Variants in GBE1 observed in about 807,000 individuals in gnomAD.
GBE1 encodes 1,4-alpha-glucan-branching enzyme.
A neutral mutation model predicts 88.8 loss-of-function variants in GBE1; 70 were observed. The observed-to-expected ratio is 0.79, with a 90% CI of 0.65 to 0.96. The LOEUF (loss-of-function observed/expected upper bound fraction) is 0.96, where lower values mean the gene tolerates loss of function less well. GBE1 is among the 40% of genes least tolerant of loss of function. The pLI is 0.00. For missense variants in GBE1, 872 were observed against 871.0 expected (o/e 1.00, Z -0.01); for synonymous variants, 284 against 300.1 (o/e 0.95, Z 0.56).
chr3:81,742,306 A>G (rs1706360314), intron 1 of GBE1, among the ~76,000 whole-genome samples: 1 of 152,130 alleles, frequency 6.6e-6, no homozygotes, highest in Non-Finnish European at 1.5e-5. Context: ...TCAGCAAATC[A>G]GTCTCTTATT....
At chr3:81,709,240 G>A (rs559288819) in intron 1 of GBE1, among the ~76,000 whole-genome samples, 35 of 151,868 alleles carry the variant, frequency 2.3e-4, no homozygotes, top group Non-Finnish European at 5.0e-4. Flanking sequence ...TTACCTAGAC[G>A]AACAAACTAG....
At position 81,537,336 on chromosome 3, in the gene GBE1, T is replaced by C. The variant is rs1043887744; in HGVS notation, c.1619-241A>G. Among the ~76,000 whole-genome samples the C allele has an allele frequency of 4.6e-5, 7 of 152,100 alleles. No homozygotes were observed. The East Asian group carries it at 1.2e-3, about 25-fold the overall frequency. ...CTTCAGTTTGGCTGCTCATTACTTG[T>C]TGCACATCTTGGTTTCCTCAAGCAC... On this transcript the variant is annotated intron_variant, in intron 12 of 15. Transcript: ENST00000429644.
intron 1 of GBE1, 42 bp from the exon 2 acceptor site, chr3:81,705,655 A>G (rs149007586): frequency 1.8e-4 from 247 of 1,362,506 alleles, no homozygotes; most frequent in Middle Eastern, 1.6e-3. Flanking sequence ...AAAATTAAAT[A>G]GTCTTCTAGA....
At chr3:81,645,927 C>A (rs1016049153) in intron 6 of GBE1, among the ~76,000 whole-genome samples, 1 of 152,142 alleles carries the variant, frequency 6.6e-6, no homozygotes, top group African/African-American at 2.4e-5. Flanking sequence ...TGCATAGAAT[C>A]CCTTGGTGTC....
chr3:81,695,521 G>T lies in GBE1; in HGVS notation c.313+9923C>A, dbSNP rs138250215. 8.8e-3 allele frequency among the ~76,000 whole-genome samples: 1,341 copies of T among 152,270 alleles called. 13 individuals carry two copies. Among genetic ancestry groups the T allele is most frequent in the Admixed American group, 0.015 (228 of 15,300 alleles). The stretch of plus-strand genomic sequence containing the variant: ...GGGGAATTAGAACTAACTACTAACA[G>T]GTATGAGGTTTCTTTTGGGGTGACG... On this transcript the variant is annotated intron_variant, in intron 2 of 15. Coordinates refer to ENST00000429644, the MANE Select transcript of GBE1 (RefSeq NM_000158.4).
At chr3:81,634,929 G>C (rs2107043327) in intron 7 of GBE1, among the ~76,000 whole-genome samples, 1 of 152,074 alleles carries the variant, frequency 6.6e-6, no homozygotes, top group Non-Finnish European at 1.5e-5. Flanking sequence ...ATGAATGAAG[G>C]TATGACAGTA....
intron 2 of GBE1, among the ~76,000 whole-genome samples, chr3:81,687,765 A>G (rs1705461002): frequency 6.6e-6 from 1 of 152,222 alleles, no homozygotes; most frequent in South Asian, 2.1e-4. Flanking sequence ...TGGAAGCTCA[A>G]GGTTCAAAAG....
intron 2 of GBE1, 151 bp downstream of exon 2, chr3:81,705,293 G>T: frequency 1.8e-6 from 1 of 568,050 alleles, no homozygotes; most frequent in Non-Finnish European, 2.9e-6. Context: ...CATACAAAGA[G>T]CTTAATAAAT....
intron 7 of GBE1, among the ~76,000 whole-genome samples, chr3:81,627,884 T>G (rs1198255783): frequency 6.6e-6 from 1 of 151,922 alleles, no homozygotes; most frequent in African/African-American, 2.4e-5. Context: ...ACTCTTGGCC[T>G]CAAGCGATCC....
intron 1 of GBE1, among the ~76,000 whole-genome samples, chr3:81,717,528 C>T (rs1402412869): frequency 6.6e-6 from 1 of 152,138 alleles, no homozygotes; most frequent in Non-Finnish European, 1.5e-5. Flanking sequence ...ATGGATGTTA[C>T]AGTTACTCAA....
chr3:81,646,242 T>A, intron 6 of GBE1, 150 bp downstream of exon 6: 1 of 610,740 alleles, frequency 1.6e-6, no homozygotes, highest in Non-Finnish European at 2.9e-6. Context: ...GAAGAGAGTC[T>A]ATGACCTTAG....
intron 1 of GBE1, among the ~76,000 whole-genome samples, chr3:81,739,935 T>G (rs2107217545): frequency 6.6e-6 from 1 of 152,204 alleles, no homozygotes; most frequent in African/African-American, 2.4e-5. Context: ...CAATTAAAAA[T>G]AAAAATCGGG....
intron 2 of GBE1, among the ~76,000 whole-genome samples, chr3:81,699,813 A>T (rs1339679484): frequency 6.6e-6 from 1 of 152,232 alleles, no homozygotes; most frequent in Non-Finnish European, 1.5e-5. Context: ...CACACCCAGG[A>T]TTAAAACTTT....
At position 81,721,211 on chromosome 3, in the gene GBE1, AT is replaced by A. The variant is rs1396466274; in HGVS notation, c.144-15599del. The stretch of plus-strand genomic sequence containing the variant: ...AAACTTAGAGTATAATAAAAAATAA[AT>A]AAATAAATAAATAAATAAATAAAAA... On this transcript the variant is annotated intron_variant, in intron 1 of 15. Transcript: ENST00000429644. 5.3e-3 allele frequency among the ~76,000 whole-genome samples: 512 copies of A among 97,282 alleles called. 10 individuals carry two copies. Among genetic ancestry groups the A allele is most frequent in the East Asian group, 0.03 (36 of 1,214 alleles). The allele number at this position is 97,282 out of a possible 152,430, so 63.8% of individuals were successfully genotyped here. A position where few individuals can be genotyped will look rare whatever the true frequency, so the allele number is the denominator to read the frequency against.
At chr3:81,507,666 A>ATG (rs900995879) in intron 14 of GBE1, among the ~76,000 whole-genome samples, 1 of 148,212 alleles carries the variant, frequency 6.7e-6, no homozygotes, top group South Asian at 2.1e-4. Flanking sequence ...TTATACATAT[A>ATG]TGTGTGTGTG....
intron 1 of GBE1, among the ~76,000 whole-genome samples, chr3:81,729,765 T>C (rs1233156717): frequency 2.6e-5 from 4 of 152,138 alleles, no homozygotes; most frequent in African/African-American, 9.7e-5. Context: ...ACAAAGCTGC[T>C]AGGGTTGCAA....
rs1325445125 is a variant in GBE1, at chr3:81,586,073, T to C, written c.1335+19A>G. ...ACACAGTATTCACAGAAACAAAAAATATTTACATGGACTCTTACCTGAATC... is the reference window on the plus strand; with the variant it reads ...ACACAGTATTCACAGAAACAAAAAACATTTACATGGACTCTTACCTGAATC... On this transcript the variant is annotated intron_variant, in intron 10 of 15. Transcript: ENST00000429644. 2.0e-6 allele frequency: 3 copies of C among 1,488,776 alleles called. No individual in the cohort carries two copies. Among genetic ancestry groups the C allele is most frequent in the South Asian group, 2.4e-5 (2 of 82,800 alleles). 92.2% of individuals were successfully genotyped at this position (1,488,776 alleles called of 1,614,324 possible).
Position 81,670,829 on chromosome 3 carries a change from G to A in GBE1, c.429+9C>T. The A allele has an allele frequency of 7.0e-7, 1 of 1,422,250 alleles. No individual in the cohort carries two copies. The allele number at this position is 1,422,250 out of a possible 1,614,324, so 88.1% of individuals were successfully genotyped here. On this transcript the variant is annotated intron_variant, in intron 3 of 15. Coordinates refer to ENST00000429644, the MANE Select transcript of GBE1 (RefSeq NM_000158.4). ...TAAGTTCAAGAAAAAATAGGAGGGA[G>A]GAAAGTACCTTTAATTTGGATCCAT...
chr3:81,588,587 T>A (rs1234535768), intron 9 of GBE1, among the ~76,000 whole-genome samples: 1 of 142,628 alleles, frequency 7.0e-6, no homozygotes, highest in Non-Finnish European at 1.6e-5. Context: ...TAGAATTGAA[T>A]CCTTTTGAAA....
Sources: gnomAD v4.1 joint callset for allele counts (sites outside exome capture counted in the v4.1 genomes callset) on GRCh38, gnomAD v4.1.1 for gene constraint, MANE v1.5 for transcripts, NCBI Gene and HGNC (gene_info 2026-07-23, HGNC 2026-07-21) for gene names.